The following DNAJC6 variants were observed in gnomAD, a reference collection of about 807,000 sequenced individuals.
The protein encoded by DNAJC6 is auxilin.
DNAJC6 carries 34 observed loss-of-function variants against 110.0 expected under a neutral mutation model. The observed-to-expected ratio is 0.31, with a 90% CI of 0.24 to 0.41. The LOEUF is 0.41. Ranked by LOEUF, DNAJC6 falls within the 10% of genes least tolerant of loss-of-function variation. The pLI is 1.00. For missense variants in DNAJC6, 1,031 were observed against 1,207.8 expected (o/e 0.85, Z 2.17); for synonymous variants, 406 against 437.2 (o/e 0.93, Z 0.89).
intron 13 of DNAJC6, among the ~76,000 whole-genome samples, chr1:65,398,524 G>T (rs571040287): frequency 6.6e-6 from 1 of 152,292 alleles, no homozygotes; most frequent in South Asian, 2.1e-4. Context: ...CATGCTCAAT[G>T]ATAACTCAAA....
At chr1:65,397,047 G>T (rs1031064334) in intron 13 of DNAJC6, among the ~76,000 whole-genome samples, 14 of 152,166 alleles carry the variant, frequency 9.2e-5, no homozygotes, top group Non-Finnish European at 2.1e-4. Context: ...TGTTTCTGAT[G>T]AGCTGATTAG....
rs546462038 is a variant in DNAJC6, at chr1:65,299,647, C to A, written c.-131+34715C>A. ...TTATGTTATGCAATTTTAATAACTA[C>A]CCTGTTTTTATTAGTATTTTATGGA... is the stretch of plus-strand genomic sequence containing the variant. On this transcript the variant is annotated intron_variant, in intron 1 of 19. Transcript: ENST00000263441. 4.7e-3 allele frequency among the ~76,000 whole-genome samples: 708 copies of A among 152,224 alleles called. 14 individuals are homozygous for A. The highest frequency in any genetic ancestry group is 3.4e-3 in the Middle Eastern group (1 of 294).
chr1:65,410,068 G>T (rs1305389882), intron 17 of DNAJC6, among the ~76,000 whole-genome samples: 1 of 152,244 alleles, frequency 6.6e-6, no homozygotes, highest in East Asian at 1.9e-4. Context: ...AAGATCAAGA[G>T]AATTGGAATG....
At chr1:65,372,167 G>T (rs945331177) in intron 4 of DNAJC6, among the ~76,000 whole-genome samples, 58 of 151,516 alleles carry the variant, frequency 3.8e-4, no homozygotes, top group South Asian at 6.3e-4. Flanking sequence ...GTGTGTGTGT[G>T]TGTGTGTGTG....
At chr1:65,359,250 C>T (rs1317560655) in intron 1 of DNAJC6, among the ~76,000 whole-genome samples, 1 of 152,198 alleles carries the variant, frequency 6.6e-6, no homozygotes, top group Non-Finnish European at 1.5e-5. Context: ...CAGAAATTCT[C>T]TCCCAGGAAA....
chr1:65,342,948 T>G (rs1645403071), intron 1 of DNAJC6, among the ~76,000 whole-genome samples: 1 of 152,218 alleles, frequency 6.6e-6, no homozygotes. Flanking sequence ...TCTTGTGCAT[T>G]CTCAATTTTG....
intron 1 of DNAJC6, among the ~76,000 whole-genome samples, chr1:65,273,619 C>A (rs917181420): frequency 1.3e-5 from 2 of 151,986 alleles, no homozygotes; most frequent in African/African-American, 4.8e-5. Context: ...ATCCCTTAAG[C>A]TATATATATA....
At position 65,364,661 on chromosome 1, in the gene DNAJC6, A is replaced by G; in HGVS notation, c.220A>G (p.Ser74Gly). ...SGASSPDMEP[S>G]YGGGLFDMVK... is the part of the protein sequence containing the mutation. The stretch of plus-strand genomic sequence containing the variant: ...TGCCTCATCTCCAGACATGGAGCCC[A>G]GCTATGGGGGAGGTCTCTTTGACAT... The change falls in exon 2 of 19, where the codon AGC becomes GGC. Residue 74 changes from serine (S) to glycine (G), a missense_variant. Ser to Gly is a moderately conservative substitution (Grantham distance 56). Transcript: ENST00000371069. The G allele has an allele frequency of 6.2e-7, 1 of 1,601,718 alleles. No homozygotes were observed. Among genetic ancestry groups the G allele is most frequent in the Non-Finnish European group, 8.5e-7 (1 of 1,177,350 alleles).
At chr1:65,324,997 C>T (rs1005260397) in intron 1 of DNAJC6, among the ~76,000 whole-genome samples, 1 of 152,166 alleles carries the variant, frequency 6.6e-6, no homozygotes, top group Non-Finnish European at 1.5e-5. Context: ...ATGGACTCAT[C>T]AAGCTAATGG....
In DNAJC6 at chr1:65,375,540, G is replaced by A. The variant is rs151186564; in HGVS notation, c.544-3862G>A. ...TCATGGGTTCACGCCATTCTTCTGC[G>A]TCAGCCTCCCGAGTAACTCGGACTA... On this transcript the variant is annotated intron_variant, in intron 4 of 18. Transcript: ENST00000371069. Among the ~76,000 whole-genome samples, 56 of 151,648 alleles carry A rather than the reference G, an allele frequency of 3.7e-4. 1 individual carries two copies. The East Asian group carries it at 0.011, about 30-fold the overall frequency.
At chr1:65,361,591 T>G (rs1645597986) in intron 1 of DNAJC6, among the ~76,000 whole-genome samples, 1 of 152,092 alleles carries the variant, frequency 6.6e-6, no homozygotes, top group Admixed American at 6.6e-5. Flanking sequence ...AGGACCAAAG[T>G]GAGATACTTA....
chr1:65,379,770 T>C (rs1645800717), intron 5 of DNAJC6: 2 of 348,522 alleles, frequency 5.7e-6, no homozygotes, highest in Admixed American at 4.8e-5. Context: ...TAGAATGTGC[T>C]AAGTATTATA....
chr1:65,307,018 C>CTCTA (rs1465563773), upstream of DNAJC6, among the ~76,000 whole-genome samples: 85 of 70,670 alleles, frequency 1.2e-3, no homozygotes, highest in African/African-American at 1.4e-3. Context: ...CTCTCTCTCT[C>CTCTA]TATATATATA....
At chr1:65,370,603 C>T (rs998471110) in intron 4 of DNAJC6, among the ~76,000 whole-genome samples, 11 of 152,174 alleles carry the variant, frequency 7.2e-5, no homozygotes, top group Non-Finnish European at 1.5e-4. Flanking sequence ...TCTAGGGCCA[C>T]TTTGTCTCTC....
chr1:65,384,147 C>A, intron 5 of DNAJC6, 46 bp from the exon 6 acceptor site: 2 of 1,375,348 alleles, frequency 1.5e-6, no homozygotes, highest in Non-Finnish European at 1.9e-6. Context: ...TGGAGAATGG[C>A]TGATTTGATC....
chr1:65,287,266 A>G (rs1466488606), intron 1 of DNAJC6, among the ~76,000 whole-genome samples: 2 of 152,240 alleles, frequency 1.3e-5, no homozygotes, highest in Non-Finnish European at 2.9e-5. Context: ...TTAAAAATGC[A>G]AACAAATGAA....
intron 1 of DNAJC6, among the ~76,000 whole-genome samples, chr1:65,301,323 T>A (rs961603784): frequency 1.3e-5 from 2 of 150,674 alleles, no homozygotes; most frequent in African/African-American, 4.9e-5. Context: ...AAATGGGCAC[T>A]TCCCCCCCCA....
chr1:65,308,284 C>T (rs1410802925), upstream of DNAJC6, among the ~76,000 whole-genome samples: 2 of 152,160 alleles, frequency 1.3e-5, no homozygotes, highest in Non-Finnish European at 2.9e-5. Context: ...TTTACATGCA[C>T]GTACTTTTTT....
Position 65,326,085 on chromosome 1 carries a change from C to T in DNAJC6, c.193+16147C>T, listed in dbSNP as rs374341582. The stretch of plus-strand genomic sequence containing the variant: ...ATGTGCACATGACTGTATATGAGAA[C>T]AGCAGCTCTTGTTAAAGTAAGGGTG... On this transcript the variant is annotated intron_variant, in intron 1 of 18. Transcript: ENST00000371069. Among the ~76,000 whole-genome samples, 5 of 152,164 alleles carry T rather than the reference C, an allele frequency of 3.3e-5. No individual in the cohort carries two copies. In the East Asian group the frequency reaches 5.8e-4, roughly 18 times the overall value.
Sources: allele counts gnomAD v4.1 joint callset (sites outside exome capture counted in the v4.1 genomes callset), GRCh38; gene constraint gnomAD v4.1.1; transcripts MANE v1.5; gene names NCBI Gene and HGNC (gene_info 2026-07-23, HGNC 2026-07-21).